Variants in LRRC4C observed in about 807,000 individuals in gnomAD.
LRRC4C encodes leucine rich repeat containing 4C.
Under a neutral mutation model 33.6 loss-of-function variants are expected in LRRC4C, and 5 were observed. The ratio of observed to expected loss-of-function variants is 0.15; its 90% CI spans 0.08 to 0.31. LRRC4C has a LOEUF of 0.31. LRRC4C is among the 10% of genes least tolerant of loss of function. LRRC4C has a pLI of 1.00. For missense variants in LRRC4C, 560 were observed against 796.7 expected, an observed-to-expected ratio of 0.70 and a Z score of 3.58; for synonymous variants, 329 against 302.0, an observed-to-expected ratio of 1.09 and a Z score of -0.93.
intron 2 of LRRC4C, among the ~76,000 whole-genome samples, chr11:40,911,491 T>C (rs1956686964): frequency 6.6e-6 from 1 of 152,254 alleles, no homozygotes; most frequent in South Asian, 2.1e-4. Context: ...GGGTCCTGAC[T>C]CTTAGAAGGA....
intron 3 of LRRC4C, among the ~76,000 whole-genome samples, chr11:40,544,097 T>C (rs1376901183): frequency 1.3e-5 from 2 of 152,054 alleles, no homozygotes; most frequent in African/African-American, 4.8e-5. Context: ...TCCTAAAAAA[T>C]AGATTTTAAA....
At chr11:40,147,669 C>T (rs1224386466) in intron 5 of LRRC4C, among the ~76,000 whole-genome samples, 1 of 151,928 alleles carries the variant, frequency 6.6e-6, no homozygotes, top group African/African-American at 2.4e-5. Flanking sequence ...ATGAGGTAGA[C>T]ATAATTGTCG....
At chr11:41,244,100 G>A (rs1406409218) in intron 1 of LRRC4C, among the ~76,000 whole-genome samples, 1 of 151,992 alleles carries the variant, frequency 6.6e-6, no homozygotes. Flanking sequence ...CACTATGAAG[G>A]CCAGATTGGG....
chr11:40,730,894 C>T (rs1008538972), intron 2 of LRRC4C, among the ~76,000 whole-genome samples: 1 of 152,188 alleles, frequency 6.6e-6, no homozygotes, highest in Non-Finnish European at 1.5e-5. Flanking sequence ...CCTGCCAAAT[C>T]TCATGTTGAA....
At chr11:41,430,242 T>C (rs1955186982) in intron 1 of LRRC4C, among the ~76,000 whole-genome samples, 1 of 152,186 alleles carries the variant, frequency 6.6e-6, no homozygotes, top group African/African-American at 2.4e-5. Context: ...ATGCTAACTA[T>C]TTTTAATGCA....
chr11:40,413,737 G>T (rs1950229682), intron 3 of LRRC4C, among the ~76,000 whole-genome samples: 1 of 152,082 alleles, frequency 6.6e-6, no homozygotes, highest in African/African-American at 2.4e-5. Flanking sequence ...AGCCAGAAAA[G>T]CCCAGAATGG....
chr11:41,197,747 A>G (rs909639615), intron 1 of LRRC4C, among the ~76,000 whole-genome samples: 34 of 151,964 alleles, frequency 2.2e-4, no homozygotes, highest in African/African-American at 8.2e-4. Context: ...TATTCTCCTC[A>G]AACTCCTTAA....
chr11:40,167,851 C>T (rs1859729186), intron 5 of LRRC4C, among the ~76,000 whole-genome samples: 1 of 152,058 alleles, frequency 6.6e-6, no homozygotes, highest in Non-Finnish European at 1.5e-5. Context: ...TCAAGACCAG[C>T]CTGACCAACA....
chr11:41,077,810 C>T lies in LRRC4C; in HGVS notation c.-495-144087G>A, dbSNP rs150291129. ...TTTCTTTTATTCCACATGGTCACAC[C>T]GCAAATTTTCCAAACGTTTATGCTC... is the stretch of plus-strand genomic sequence containing the variant. On this transcript the variant is annotated intron_variant, in intron 1 of 6. Coordinates refer to ENST00000528697, the MANE Select transcript of LRRC4C (RefSeq NM_001258419.2). Among the ~76,000 whole-genome samples, 1,439 of 152,222 alleles carry T rather than the reference C, an allele frequency of 9.5e-3. 21 individuals are homozygous for T. The highest frequency in any genetic ancestry group is 0.032 in the African/African-American group (1,318 of 41,520).
chr11:40,554,744 T>TAA, intron 3 of LRRC4C, among the ~76,000 whole-genome samples: 1 of 137,480 alleles, frequency 7.3e-6, no homozygotes, highest in Non-Finnish European at 1.5e-5. Flanking sequence ...TTCTTTTTTT[T>TAA]TTTTTTTTTT....
intron 1 of LRRC4C, among the ~76,000 whole-genome samples, chr11:41,106,424 T>C (rs1392862916): frequency 6.7e-6 from 1 of 149,336 alleles, no homozygotes; most frequent in Non-Finnish European, 1.5e-5. Context: ...ACTTTGATCA[T>C]CAAACCCTTC....
intron 3 of LRRC4C, among the ~76,000 whole-genome samples, chr11:40,547,865 A>G (rs1245604829): frequency 6.6e-6 from 1 of 152,138 alleles, no homozygotes; most frequent in Non-Finnish European, 1.5e-5. Context: ...ATAAAACATA[A>G]GATAACATTC....
chr11:40,914,603 C>A lies in LRRC4C; in HGVS notation c.-407+19032G>T, dbSNP rs869234733. ...CACAGCCAATATCATACTGAATGGGCAAAAACTGGAAGCATTCCCTTTGAC... is the reference window on the plus strand; with the variant it reads ...CACAGCCAATATCATACTGAATGGGAAAAAACTGGAAGCATTCCCTTTGAC... On this transcript the variant is annotated intron_variant, in intron 2 of 6. Transcript: ENST00000528697. Among the ~76,000 whole-genome samples the A allele has an allele frequency of 3.3e-5, 5 of 152,252 alleles. No individual in the cohort carries two copies. In the East Asian group the frequency reaches 7.7e-4, roughly 24 times the overall value.
At chr11:41,209,060 G>A (rs1946714302) in intron 1 of LRRC4C, among the ~76,000 whole-genome samples, 1 of 150,198 alleles carries the variant, frequency 6.7e-6, no homozygotes, top group African/African-American at 2.4e-5. Context: ...GTGGGAGGAG[G>A]AAGAGGTTCA....
chr11:41,072,784 C>T (rs768532028), intron 1 of LRRC4C, among the ~76,000 whole-genome samples: 1 of 152,186 alleles, frequency 6.6e-6, no homozygotes, highest in Non-Finnish European at 1.5e-5. Flanking sequence ...GTTTCCATAA[C>T]TCCACAGCCT....
chr11:40,973,425 A>G (rs1051108824), intron 1 of LRRC4C, among the ~76,000 whole-genome samples: 1 of 152,204 alleles, frequency 6.6e-6, no homozygotes, highest in Non-Finnish European at 1.5e-5. Flanking sequence ...TGCCTTGTCA[A>G]GAAATATGAA....
At chr11:40,567,193 A>C (rs925547126) in intron 3 of LRRC4C, among the ~76,000 whole-genome samples, 1 of 152,272 alleles carries the variant, frequency 6.6e-6, no homozygotes, top group African/African-American at 2.4e-5. Flanking sequence ...CCTCTAGGAT[A>C]AACAAAGATG....
intron 1 of LRRC4C, among the ~76,000 whole-genome samples, chr11:41,346,886 A>G (rs1951820867): frequency 6.6e-6 from 1 of 152,250 alleles, no homozygotes; most frequent in South Asian, 2.1e-4. Context: ...GTTCACAGTA[A>G]ATTATTAATC....
intron 1 of LRRC4C, among the ~76,000 whole-genome samples, chr11:41,389,925 A>G (rs2137986311): frequency 6.6e-6 from 1 of 152,000 alleles, no homozygotes; most frequent in Non-Finnish European, 1.5e-5. Flanking sequence ...AAACTATAAT[A>G]TGCTGTATTA....
Sources: allele counts gnomAD v4.1 joint callset (sites outside exome capture counted in the v4.1 genomes callset), GRCh38; gene constraint gnomAD v4.1.1; transcripts MANE v1.5; gene names NCBI Gene and HGNC (gene_info 2026-07-23, HGNC 2026-07-21).